TTK: variants seen among roughly 807,000 people sequenced by gnomAD.
TTK encodes dual specificity protein kinase TTK.
In TTK, 59 loss-of-function variants were observed where a neutral mutation model predicts 117.3. The observed-to-expected ratio is 0.50, with a 90% CI of 0.41 to 0.62. The LOEUF (loss-of-function observed/expected upper bound fraction) is 0.62. Among genes scored for constraint, TTK ranks in the 20% least tolerant of loss-of-function variants. The pLI, the probability that TTK is intolerant of heterozygous loss-of-function variation, is 0.00. For synonymous variants in TTK, 302 were observed against 325.0 expected (o/e 0.93, Z 0.76); for missense variants, 921 against 989.4 (o/e 0.93, Z 0.93).
chr6:80,006,337 C>T (rs948979923), intron 2 of TTK, among the ~76,000 whole-genome samples: 1 of 152,160 alleles, frequency 6.6e-6, no homozygotes, highest in African/African-American at 2.4e-5. Context: ...AATTTTCTTA[C>T]ATCTATACTA....
chr6:80,011,750 T>C lies in TTK; in HGVS notation c.750T>C (p.Asp250=), dbSNP rs1767162768. 7 of 1,612,648 alleles carry C rather than the reference T, an allele frequency of 4.3e-6. No individual in the cohort carries two copies. Among genetic ancestry groups the C allele is most frequent in the Non-Finnish European group, 5.9e-6 (7 of 1,179,210 alleles). The change falls in exon 7 of 22, where the codon GAT becomes GAC. Residue 250 remains aspartate, a synonymous_variant. Transcript: ENST00000369798. ...TTAGAGAGAACATGCCACCACAAGA[T>C]GCAGAAATAGGTTACCGGAATTCAT... is the stretch of plus-strand genomic sequence containing the variant. The part of the protein sequence containing the change: ...FLYGENMPPQ[D]AEIGYRNSLR...
At chr6:80,035,206 G>A in intron 15 of TTK, 60 bp from the exon 16 acceptor site, 1 of 1,532,108 alleles carries the variant, frequency 6.5e-7, no homozygotes, top group South Asian at 1.3e-5. Flanking sequence ...TAAATATTTA[G>A]TAAACTTTAA....
intron 4 of TTK, 96 bp from the exon 5 acceptor site, chr6:80,010,718 A>G: frequency 7.9e-7 from 1 of 1,271,242 alleles, no homozygotes; most frequent in South Asian, 1.8e-5. Context: ...AGTCTTTTTG[A>G]TTTTTTTTTC....
intron 11 of TTK, among the ~76,000 whole-genome samples, chr6:80,024,392 C>T (rs1233033161): frequency 6.6e-6 from 1 of 152,130 alleles, no homozygotes; most frequent in Non-Finnish European, 1.5e-5. Context: ...AAATGTGGTA[C>T]ATCCATACAA....
chr6:80,010,015 A>T (rs916611425), intron 4 of TTK, among the ~76,000 whole-genome samples: 2 of 152,108 alleles, frequency 1.3e-5, no homozygotes, highest in African/African-American at 4.8e-5. Flanking sequence ...AGATATTTTT[A>T]AAAATTTATA....
rs573304434 is a variant in TTK, at chr6:80,011,780, A to G, written c.780A>G (p.Arg260=). The stretch of plus-strand genomic sequence containing the variant: ...AAATAGGTTACCGGAATTCATTGAG[A>G]CAAACTAACAAAACTAAACAGGTAA... ...DAEIGYRNSL[R]QTNKTKQSCP... Residue 260 remains arginine, a synonymous_variant, in exon 7 of 22, where the codon AGA becomes AGG. Coordinates refer to ENST00000369798, the MANE Select transcript of TTK (RefSeq NM_003318.5). 6.2e-7 allele frequency: 1 copy of G among 1,612,832 alleles called. No individual in the cohort carries two copies. Among genetic ancestry groups the G allele is most frequent in the South Asian group, 1.1e-5 (1 of 91,032 alleles).
At chr6:80,011,618 T>G in intron 6 of TTK, 70 bp downstream of exon 6, 1 of 1,524,452 alleles carries the variant, frequency 6.6e-7, no homozygotes, top group Non-Finnish European at 9.0e-7. Flanking sequence ...TTAATGTAAT[T>G]ACATGTATCT....
chr6:80,038,022 G>C lies in TTK; in HGVS notation c.2105G>C (p.Arg702Thr). 1.9e-6 allele frequency: 3 copies of C among 1,609,746 alleles called. No homozygotes were observed. The highest frequency in any genetic ancestry group is 2.5e-6 in the Non-Finnish European group (3 of 1,177,534). The change falls in exon 18 of 22, where the codon AGA becomes ACA. Residue 702 changes from arginine to threonine, a missense_variant. Arg to Thr is a moderately conservative substitution (Grantham distance 71). Coordinates refer to ENST00000369798, the MANE Select transcript of TTK (RefSeq NM_003318.5). Reference sequence around the variant, plus strand: ...GCAATCAAAGATATGTCTTCCTCCAGAGAGAATGGGAAATCTAAGTCAAAG... The same window carrying C: ...GCAATCAAAGATATGTCTTCCTCCACAGAGAATGGGAAATCTAAGTCAAAG... ...PEAIKDMSSSRENGKSKSKIS... is the reference protein window; with the variant it reads ...PEAIKDMSSSTENGKSKSKIS...
rs1053794553 is a variant in TTK, at chr6:80,042,318, A to C, written c.*116A>C. The C allele has an allele frequency of 2.8e-6, 2 of 721,644 alleles. No homozygotes were observed. The highest frequency in any genetic ancestry group is 3.3e-5 in the Admixed American group (1 of 30,504). The allele number at this position is 721,644 out of a possible 1,614,324, so 44.7% of individuals were successfully genotyped here. On this transcript the variant is annotated 3_prime_UTR_variant, in exon 22 of 22. Transcript: ENST00000369798. Reference sequence around the variant, plus strand: ...AACATCACTCTGAAGTGTTATCAGCAAAAAAAATTCAGTAGATTATCTTTA... The same window carrying C: ...AACATCACTCTGAAGTGTTATCAGCCAAAAAAATTCAGTAGATTATCTTTA...
chr6:80,014,125 A>G (rs1767240359), intron 9 of TTK, among the ~76,000 whole-genome samples: 1 of 152,180 alleles, frequency 6.6e-6, no homozygotes, highest in Non-Finnish European at 1.5e-5. Context: ...CATCACAGTA[A>G]CAAAATACTT....
chr6:80,030,039 G>A (rs1468279935), intron 13 of TTK, among the ~76,000 whole-genome samples: 3 of 152,056 alleles, frequency 2.0e-5, no homozygotes, highest in African/African-American at 7.2e-5. Flanking sequence ...TTTGTTACAG[G>A]AAATATATAT....
chr6:80,010,725 T>C, intron 4 of TTK, 89 bp from the exon 5 acceptor site: 1 of 1,327,470 alleles, frequency 7.5e-7, no homozygotes, highest in Non-Finnish European at 1.0e-6. Context: ...TTGATTTTTT[T>C]TTCTAGGTCC....
intron 10 of TTK, among the ~76,000 whole-genome samples, chr6:80,016,276 C>T (rs151655): frequency 0.069 from 10,530 of 152,122 alleles, 411 homozygotes; most frequent in South Asian, 0.12. Flanking sequence ...ATGTGTTCAG[C>T]TTTGGAAGAT....
chr6:80,037,851 T>C (rs541141434), intron 17 of TTK, 116 bp from the exon 18 acceptor site: 4 of 443,444 alleles, frequency 9.0e-6, no homozygotes, highest in African/African-American at 2.4e-5. Flanking sequence ...TTTTTAAGAA[T>C]CTAAAACTTA....
intron 12 of TTK, among the ~76,000 whole-genome samples, chr6:80,026,906 G>A (rs1767622503): frequency 6.6e-6 from 1 of 152,138 alleles, no homozygotes; most frequent in South Asian, 2.1e-4. Context: ...GGTGTTAATT[G>A]GAAAGTGATA....
chr6:80,011,527 C>T lies in TTK; in HGVS notation c.707C>T (p.Thr236Ile). ...AGTTGTGATTCCAGAGGACAGACTA[C>T]TAAAGCCAGGTTTTTATATGGGTAA... ...NNSCDSRGQT[T>I]KARFLYGENM... The change falls in exon 6 of 22, where the codon ACT becomes ATT. Residue 236 changes from threonine (T) to isoleucine (I), a missense_variant. Thr to Ile is a moderately conservative substitution (Grantham distance 89). Coordinates refer to ENST00000369798, the MANE Select transcript of TTK (RefSeq NM_003318.5). 1.2e-6 allele frequency: 2 copies of T among 1,603,404 alleles called. No individual in the cohort carries two copies. Among genetic ancestry groups the T allele is most frequent in the Non-Finnish European group, 1.7e-6 (2 of 1,176,750 alleles).
chr6:80,026,692 G>A (rs991855223), intron 12 of TTK, among the ~76,000 whole-genome samples, 178 bp downstream of exon 12: 14 of 152,170 alleles, frequency 9.2e-5, no homozygotes, highest in African/African-American at 3.4e-4. Context: ...GGAAGTGGTT[G>A]CAATAATGCA....
At chr6:80,036,653 T>C in intron 17 of TTK, 54 bp downstream of exon 17, 1 of 1,531,202 alleles carries the variant, frequency 6.5e-7, no homozygotes, top group Non-Finnish European at 8.8e-7. Flanking sequence ...TTTTTACCTG[T>C]GAAGTATTAT....
In TTK at chr6:80,042,201, G is replaced by T. The variant is rs1467184173; in HGVS notation, c.2573G>T (p.Ter858LeuextTer12). Residue 858 changes from the stop codon to leucine (L), a stop_lost, in exon 22 of 22, where the codon TGA becomes TTA. Coordinates refer to ENST00000369798, the MANE Select transcript of TTK (RefSeq NM_003318.5). ...KTFEKKRGKK[*>L] ...TTTGAAAAAAAAAGGGGAAAAAAAT[G>T]ATTTGCAGTTATTCGTAATGTCAGA... 1 of 1,590,576 alleles carries T rather than the reference G, an allele frequency of 6.3e-7. No individual in the cohort carries two copies. Among genetic ancestry groups the T allele is most frequent in the African/African-American group, 1.3e-5 (1 of 74,364 alleles).
Sources: allele counts gnomAD v4.1 joint callset (sites outside exome capture counted in the v4.1 genomes callset), GRCh38; gene constraint gnomAD v4.1.1; transcripts MANE v1.5; gene names NCBI Gene and HGNC (gene_info 2026-07-23, HGNC 2026-07-21).